C16orf89: variants seen among roughly 807,000 people sequenced by gnomAD.
C16orf89 encodes chromosome 16 open reading frame 89.
Under a neutral mutation model 41.5 loss-of-function variants are expected in C16orf89, and 57 were observed. The ratio of observed to expected loss-of-function variants is 1.38; its 90% confidence interval spans 1.11 to 1.71. The LOEUF (loss-of-function observed/expected upper bound fraction) is 1.71, where lower values mean the gene tolerates loss of function less well. Among genes scored for constraint, C16orf89 ranks in the 40% most tolerant of loss-of-function variants. C16orf89 has a pLI of 0.00. For missense variants in C16orf89, 575 were observed against 445.9 expected (o/e 1.29, Z -2.61); for synonymous variants, 223 against 190.6 (o/e 1.17, Z -1.40).
chr16:5,054,731 T>C (rs1381135415), intron 6 of C16orf89, among the ~76,000 whole-genome samples: 1 of 152,170 alleles, frequency 6.6e-6, no homozygotes, highest in South Asian at 2.1e-4. Context: ...GGTAATTGAA[T>C]CATGGGGGCC....
chr16:5,062,247 G>A (rs1312676331), intron 2 of C16orf89, among the ~76,000 whole-genome samples, 178 bp downstream of exon 2: 2 of 152,180 alleles, frequency 1.3e-5, no homozygotes, highest in African/African-American at 4.8e-5. Context: ...AGAGTCTGAA[G>A]TCAAGGATGA....
At chr16:5,049,544 A>T (rs1447357666) in intron 6 of C16orf89, among the ~76,000 whole-genome samples, 1 of 152,252 alleles carries the variant, frequency 6.6e-6, no homozygotes, top group Non-Finnish European at 1.5e-5. Flanking sequence ...ATCAATAACA[A>T]GAGGAACTTT....
intron 1 of C16orf89, among the ~76,000 whole-genome samples, chr16:5,064,151 A>G (rs964955729): frequency 1.3e-4 from 20 of 152,000 alleles, no homozygotes; most frequent in African/African-American, 4.8e-4. Context: ...AATAATAATA[A>G]TAAATAAAAA....
chr16:5,051,232 C>T (rs2142619717), intron 6 of C16orf89, among the ~76,000 whole-genome samples: 1 of 152,154 alleles, frequency 6.6e-6, no homozygotes, highest in East Asian at 1.9e-4. Flanking sequence ...CAAAAAAGGG[C>T]ATCCAAATGA....
Position 5,065,875 on chromosome 16 carries a change from G to T in C16orf89, c.34C>A (p.Leu12Met). ...GACCACAGCGGTGGCAGTGCTGTCAGTAAGAGCAGGAGCAGCAGCCCCAGG... is the reference window on the plus strand; with the variant it reads ...GACCACAGCGGTGGCAGTGCTGTCATTAAGAGCAGGAGCAGCAGCCCCAGG... ...ASLGLLLLLL[L>M]TALPPLWSSS... The change falls in exon 1 of 8, where the codon CTG becomes ATG. Residue 12 changes from leucine to methionine, a missense_variant. Transcript: ENST00000472572. The T allele has an allele frequency of 6.2e-7, 1 of 1,614,154 alleles. No individual in the cohort carries two copies.
chr16:5,047,919 T>C lies in C16orf89; in HGVS notation c.914A>G (p.His305Arg). 1 of 1,605,682 alleles carries C rather than the reference T, an allele frequency of 6.2e-7. No homozygotes were observed. The highest frequency in any genetic ancestry group is 8.5e-7 in the Non-Finnish European group (1 of 1,173,232). ...TCGCCTCTTCACTCTCCTCGAAAAATGCTGCTGATATTGAATAGCTTTAGA... is the reference window on the plus strand; with the variant it reads ...TCGCCTCTTCACTCTCCTCGAAAAACGCTGCTGATATTGAATAGCTTTAGA... ...ELSKAIQYQQ[H>R]FSRRVKRREK... The change falls in exon 7 of 8, where the codon CAT becomes CGT. Residue 305 changes from histidine (H) to arginine (R), a missense_variant. His to Arg is a conservative substitution (Grantham distance 29). Coordinates refer to ENST00000472572, the MANE Select transcript of C16orf89 (RefSeq NM_001098514.3).
At chr16:5,059,723 C>T (rs1420392287) in intron 3 of C16orf89, among the ~76,000 whole-genome samples, 1 of 152,164 alleles carries the variant, frequency 6.6e-6, no homozygotes, top group Non-Finnish European at 1.5e-5. Context: ...CCTGGAGCTG[C>T]ATCCTCACTG....
intron 2 of C16orf89, 43 bp from the exon 3 acceptor site, chr16:5,060,479 C>T (rs768481538): frequency 1.3e-6 from 2 of 1,573,694 alleles, no homozygotes; most frequent in Non-Finnish European, 1.7e-6. Flanking sequence ...GTGGGGGTGA[C>T]CCAGGAGCAG....
At chr16:5,054,882 G>T (rs1230408824) in intron 6 of C16orf89, among the ~76,000 whole-genome samples, 1 of 152,132 alleles carries the variant, frequency 6.6e-6, no homozygotes, top group Non-Finnish European at 1.5e-5. Flanking sequence ...CACTATGATT[G>T]TGAGGCCTCC....
chr16:5,057,292 G>GTATA (rs113014669), intron 4 of C16orf89, among the ~76,000 whole-genome samples: 10 of 140,108 alleles, frequency 7.1e-5, no homozygotes, highest in Non-Finnish European at 1.2e-4. Context: ...ATATATATGT[G>GTATA]TATATATATA....
chr16:5,044,486 A>G lies in C16orf89; in HGVS notation c.956-8T>C, dbSNP rs746067105. The G allele has an allele frequency of 2.4e-5, 38 of 1,611,752 alleles. No individual in the cohort carries two copies. Among genetic ancestry groups the G allele is most frequent in the Admixed American group, 1.2e-4 (7 of 59,442 alleles). On this transcript the variant is annotated splice_polypyrimidine_tract_variant and splice_region_variant and intron_variant, in intron 7 of 7. Transcript: ENST00000472572. ...TGTGGGAGGAGCAGCCATCTAGGGG[A>G]GAGAGCCCCCATGAGTGCTGGGTGG...
intron 2 of C16orf89, 119 bp from the exon 3 acceptor site, chr16:5,060,555 C>CTAA (rs1956596990): frequency 9.6e-7 from 1 of 1,037,408 alleles, no homozygotes; most frequent in East Asian, 2.7e-5. Context: ...GCTCAGGGCT[C>CTAA]TAAGCCCTGT....
intron 6 of C16orf89, 151 bp downstream of exon 6, chr16:5,055,095 G>T: frequency 4.4e-6 from 3 of 686,716 alleles, no homozygotes; most frequent in Non-Finnish European, 7.3e-6. Flanking sequence ...GTTTCTCCTT[G>T]TGTGTACACG....
At chr16:5,052,120 A>G (rs1331628133) in intron 6 of C16orf89, among the ~76,000 whole-genome samples, 16 of 145,352 alleles carry the variant, frequency 1.1e-4, no homozygotes, top group African/African-American at 3.5e-4. Flanking sequence ...AAAAAAAAAA[A>G]GAAGGAAAAA....
At chr16:5,061,458 AAG>A (rs1956621046) in intron 2 of C16orf89, among the ~76,000 whole-genome samples, 1 of 131,032 alleles carries the variant, frequency 7.6e-6, no homozygotes, top group African/African-American at 2.9e-5. Flanking sequence ...AAAAAAAAAA[AAG>A]AGAGACAGAG....
Position 5,044,256 on chromosome 16 carries a change from C to A in C16orf89, c.*92G>T. 6.8e-7 allele frequency: 1 copy of A among 1,468,296 alleles called. No homozygotes were observed. Among genetic ancestry groups the A allele is most frequent in the South Asian group, 1.5e-5 (1 of 68,362 alleles). 91.0% of individuals were successfully genotyped at this position (1,468,296 alleles called of 1,614,324 possible). A position where few individuals can be genotyped will look rare whatever the true frequency, so the allele number is the denominator to read the frequency against. The stretch of plus-strand genomic sequence containing the variant: ...TTGCTTATCCTCCAGATGCCTTCTT[C>A]CCAGGATGTGATCCGTGCCCTCCAG... On this transcript the variant is annotated 3_prime_UTR_variant, in exon 8 of 8. Transcript: ENST00000472572.
intron 4 of C16orf89, among the ~76,000 whole-genome samples, chr16:5,057,457 A>T (rs1447048810): frequency 2.7e-5 from 4 of 148,668 alleles, no homozygotes; most frequent in African/African-American, 9.8e-5. Flanking sequence ...TAAAGAAAAG[A>T]AATATATATA....
downstream of C16orf89, chr16:5,043,026 C>T (rs1956234818): frequency 6.6e-6 from 1 of 152,004 alleles, no homozygotes; most frequent in South Asian, 2.1e-4. Context: ...TCTAGAAACA[C>T]AATACTCACA....
intron 2 of C16orf89, among the ~76,000 whole-genome samples, chr16:5,061,548 G>C (rs904263198): frequency 6.6e-6 from 1 of 150,668 alleles, no homozygotes; most frequent in Non-Finnish European, 1.5e-5. Flanking sequence ...AATTAGTGGG[G>C]AGGTGATATT....
Sources: allele counts gnomAD v4.1 joint callset (sites outside exome capture counted in the v4.1 genomes callset), GRCh38; gene constraint gnomAD v4.1.1; transcripts MANE v1.5; gene names NCBI Gene and HGNC (gene_info 2026-07-23, HGNC 2026-07-21).